Variants in TDRD3 observed in about 807,000 individuals in gnomAD.
TDRD3 encodes the protein tudor domain-containing protein 3.
Under a neutral mutation model 86.7 loss-of-function variants are expected in TDRD3, and 45 were observed. That is an observed-to-expected ratio of 0.52 (90% CI 0.41 to 0.67). TDRD3 has a LOEUF of 0.67. Ranked by LOEUF, TDRD3 falls within the 30% of genes least tolerant of loss-of-function variation. TDRD3 has a pLI of 0.00. For synonymous variants in TDRD3, 298 were observed against 301.7 expected (o/e 0.99, Z 0.13); for missense variants, 814 against 889.0 (o/e 0.92, Z 1.07).
At chr13:60,403,793 T>A (rs975757829) in intron 1 of TDRD3, among the ~76,000 whole-genome samples, 12 of 152,228 alleles carry the variant, frequency 7.9e-5, no homozygotes, top group Non-Finnish European at 1.8e-4. Context: ...ACTTTTCACA[T>A]GTAGTACAAT....
intron 1 of TDRD3, among the ~76,000 whole-genome samples, chr13:60,409,925 G>C (rs1035045436): frequency 2.0e-5 from 3 of 152,266 alleles, no homozygotes; most frequent in Admixed American, 2.0e-4. Flanking sequence ...ACCTCTACTT[G>C]AATTGTATCT....
At chr13:60,397,554 C>T (rs1012885430) in intron 1 of TDRD3, 149 bp downstream of exon 1, 13 of 537,444 alleles carry the variant, frequency 2.4e-5, no homozygotes, top group Non-Finnish European at 3.0e-5. Context: ...GCCGGCTCCG[C>T]CCCCGGCGCC....
intron 3 of TDRD3, among the ~76,000 whole-genome samples, chr13:60,458,313 A>G (rs1955725219): frequency 6.6e-6 from 1 of 152,216 alleles, no homozygotes; most frequent in African/African-American, 2.4e-5. Context: ...AGCAATAGTG[A>G]GTAAAACTAG....
In TDRD3 at chr13:60,557,820, A is replaced by ATTTTTTTTTTTTTTTTTTTTTTTTTTTTT. The variant is rs749028045; in HGVS notation, c.2119-9683_2119-9682insTTTTTTTTTTTTTTTTTTTTTTTTTTTTT. Among the ~76,000 whole-genome samples, 15 of 88,282 alleles carry ATTTTTTTTTTTTTTTTTTTTTTTTTTTTT rather than the reference A, an allele frequency of 1.7e-4. 1 individual carries two copies. Among genetic ancestry groups the ATTTTTTTTTTTTTTTTTTTTTTTTTTTTT allele is most frequent in the Non-Finnish European group, 2.4e-4 (11 of 45,046 alleles). 57.9% of individuals were successfully genotyped at this position (88,282 alleles called of 152,430 possible). A position where few individuals can be genotyped will look rare whatever the true frequency, so the allele number is the denominator to read the frequency against. On this transcript the variant is annotated intron_variant, in intron 12 of 13. Transcript: ENST00000377881. Reference sequence around the variant, plus strand: ...GGCATAAAGGATTTTTTTTTTCCTGATTTTTTTTTTTTTTTTTTTTTTGAG... The same window carrying ATTTTTTTTTTTTTTTTTTTTTTTTTTTTT: ...GGCATAAAGGATTTTTTTTTTCCTGATTTTTTTTTTTTTTTTTTTTTTTTTTTTTTTTTTTTTTTTTTTTTTTTTTTGAG...
chr13:60,553,453 T>G (rs1958112519), intron 12 of TDRD3, among the ~76,000 whole-genome samples: 1 of 152,120 alleles, frequency 6.6e-6, no homozygotes. Flanking sequence ...TCAGGTTATC[T>G]TTTTAGCAGT....
chr13:60,515,345 A>G (rs1161841730), intron 10 of TDRD3, among the ~76,000 whole-genome samples: 1 of 152,210 alleles, frequency 6.6e-6, no homozygotes, highest in Non-Finnish European at 1.5e-5. Flanking sequence ...GGTTTACCTT[A>G]CCAGGACCTG....
intron 1 of TDRD3, among the ~76,000 whole-genome samples, chr13:60,405,256 A>G (rs569266474): frequency 5.3e-4 from 81 of 152,326 alleles, no homozygotes; most frequent in Non-Finnish European, 8.4e-4. Context: ...GATGTGAGCC[A>G]CAGTGTCCAG....
At chr13:60,421,611 C>T (rs2137872917) in intron 1 of TDRD3, among the ~76,000 whole-genome samples, 1 of 152,200 alleles carries the variant, frequency 6.6e-6, no homozygotes, top group African/African-American at 2.4e-5. Flanking sequence ...AAATCTTTCC[C>T]CCAAACTATA....
chr13:60,495,422 T>C (rs1011055528), intron 8 of TDRD3, among the ~76,000 whole-genome samples: 5 of 152,158 alleles, frequency 3.3e-5, no homozygotes, highest in Admixed American at 6.5e-5. Context: ...ACTGGAGTTT[T>C]ATTATACTCA....
intron 5 of TDRD3, among the ~76,000 whole-genome samples, chr13:60,477,987 G>C (rs1372933086): frequency 6.6e-6 from 1 of 152,082 alleles, no homozygotes; most frequent in African/African-American, 2.4e-5. Flanking sequence ...ATTTGGCTGT[G>C]AATGTATCTG....
chr13:60,494,572 A>G lies in TDRD3; in HGVS notation c.855A>G (p.Glu285=). 6.2e-7 allele frequency: 1 copy of G among 1,613,186 alleles called. No individual in the cohort carries two copies. The highest frequency in any genetic ancestry group is 1.3e-5 in the African/African-American group (1 of 75,016). Residue 285 remains glutamate (E), a synonymous_variant, in exon 8 of 14, where the codon GAA becomes GAG. Coordinates refer to ENST00000377881, the MANE Select transcript of TDRD3 (RefSeq NM_001146070.2). Reference sequence around the variant, plus strand: ...GAAAACATGAAGGTGTCTATAGAGAACTGGTAAGGCTAAAGAACTAACCAC... The same window carrying G: ...GAAAACATGAAGGTGTCTATAGAGAGCTGGTAAGGCTAAAGAACTAACCAC... ...SEGKHEGVYR[E]LVDEKALKHI...
chr13:60,458,591 T>G (rs1408180342), intron 3 of TDRD3, among the ~76,000 whole-genome samples: 2 of 152,186 alleles, frequency 1.3e-5, no homozygotes, highest in Non-Finnish European at 2.9e-5. Flanking sequence ...TGAATGGAAG[T>G]GCGGTGCCTA....
At chr13:60,513,812 TGGAACTA>T (rs1957110041) in intron 10 of TDRD3, among the ~76,000 whole-genome samples, 1 of 152,262 alleles carries the variant, frequency 6.6e-6, no homozygotes, top group Non-Finnish European at 1.5e-5. Context: ...CCTAGTCATG[TGGAACTA>T]TAAGTCCCAT....
At chr13:60,537,766 C>T (rs1196871711) in intron 12 of TDRD3, 1 of 151,936 alleles carries the variant, frequency 6.6e-6, no homozygotes, top group African/African-American at 2.4e-5. Context: ...ATGTGCACTA[C>T]AATTTTTTTT....
At position 60,444,760 on chromosome 13, in the gene TDRD3, C is replaced by A; in HGVS notation, c.192+12C>A. 4 of 1,390,892 alleles carry A rather than the reference C, an allele frequency of 2.9e-6. No homozygotes were observed. Among genetic ancestry groups the A allele is most frequent in the South Asian group, 1.5e-5 (1 of 68,364 alleles). The allele number at this position is 1,390,892 out of a possible 1,614,324, so 86.2% of individuals were successfully genotyped here. A position where few individuals can be genotyped will look rare whatever the true frequency, so the allele number is the denominator to read the frequency against. Reference sequence around the variant, plus strand: ...GAAAGGTAGAAAAGGTAAAGAAAATCAATAACTTCTTACATTAATTAATTT... The same window carrying A: ...GAAAGGTAGAAAAGGTAAAGAAAATAAATAACTTCTTACATTAATTAATTT... On this transcript the variant is annotated intron_variant, in intron 3 of 13. Coordinates refer to ENST00000377881, the MANE Select transcript of TDRD3 (RefSeq NM_001146070.2).
intron 12 of TDRD3, among the ~76,000 whole-genome samples, chr13:60,558,280 C>T (rs762404189): frequency 1.2e-4 from 19 of 152,112 alleles, no homozygotes; most frequent in Non-Finnish European, 2.4e-4. Context: ...AGAAAGAATT[C>T]GTTAACTCAT....
chr13:60,513,817 C>A (rs1957110144), intron 10 of TDRD3, among the ~76,000 whole-genome samples: 1 of 152,212 alleles, frequency 6.6e-6, no homozygotes, highest in Non-Finnish European at 1.5e-5. Flanking sequence ...TCATGTGGAA[C>A]TATAAGTCCC....
At chr13:60,557,329 G>C (rs898125861) in intron 12 of TDRD3, among the ~76,000 whole-genome samples, 1 of 152,010 alleles carries the variant, frequency 6.6e-6, no homozygotes, top group Non-Finnish European at 1.5e-5. Context: ...AGAGTTATTT[G>C]CAAGAGGCAG....
chr13:60,534,842 C>T lies in TDRD3; in HGVS notation c.1993-266C>T, dbSNP rs774839113. On this transcript the variant is annotated intron_variant, in intron 11 of 13. Coordinates refer to ENST00000377881, the MANE Select transcript of TDRD3 (RefSeq NM_001146070.2). ...TCTCAAGAGGTTGAGATGGGAGGAT[C>T]GCTTGGGCTGGGGAGGCGGAGGTTG... Among the ~76,000 whole-genome samples the T allele has an allele frequency of 4.7e-5, 7 of 148,392 alleles. 1 individual carries two copies. Among genetic ancestry groups the T allele is most frequent in the Admixed American group, 1.4e-4 (2 of 14,616 alleles).
Sources: gnomAD v4.1 joint callset for allele counts (sites outside exome capture counted in the v4.1 genomes callset) on GRCh38, gnomAD v4.1.1 for gene constraint, MANE v1.5 for transcripts, NCBI Gene and HGNC (gene_info 2026-07-23, HGNC 2026-07-21) for gene names.